Variants in SH3RF3 observed in about 807,000 individuals in gnomAD.
SH3RF3 encodes the protein E3 ubiquitin-protein ligase SH3RF3.
Under a neutral mutation model 66.3 loss-of-function variants are expected in SH3RF3, and 29 were observed. The ratio of observed to expected loss-of-function variants is 0.44; its 90% CI spans 0.33 to 0.60. The LOEUF (loss-of-function observed/expected upper bound fraction) is 0.60. Among genes scored for constraint, SH3RF3 ranks in the 20% least tolerant of loss-of-function variants. The pLI is 0.04. For missense variants in SH3RF3, 1,194 were observed against 1,190.9 expected (o/e 1.00, Z -0.04); for synonymous variants, 583 against 532.0 (o/e 1.10, Z -1.32).
chr2:109,241,648 G>A (rs575090263), intron 1 of SH3RF3, among the ~76,000 whole-genome samples: 9 of 152,188 alleles, frequency 5.9e-5, no homozygotes, highest in South Asian at 2.1e-4. Context: ...CTGTCTCCCC[G>A]CCTCGCCATG....
At chr2:109,474,447 C>A (rs1035247904) in intron 8 of SH3RF3, among the ~76,000 whole-genome samples, 3 of 152,174 alleles carry the variant, frequency 2.0e-5, no homozygotes, top group Non-Finnish European at 4.4e-5. Flanking sequence ...CAGCTCGCTA[C>A]TGATGGGAAC....
intron 8 of SH3RF3, among the ~76,000 whole-genome samples, chr2:109,466,245 G>A (rs1319888636): frequency 1.3e-5 from 2 of 151,864 alleles, no homozygotes; most frequent in Non-Finnish European, 2.9e-5. Flanking sequence ...ACCACACCCA[G>A]CTAATTTTTG....
chr2:109,264,855 T>C (rs1445095355), intron 1 of SH3RF3, among the ~76,000 whole-genome samples: 1 of 152,242 alleles, frequency 6.6e-6, no homozygotes. Context: ...TTCCACTTCC[T>C]GTTGGACAGA....
At chr2:109,382,957 C>G (rs901913914) in intron 3 of SH3RF3, among the ~76,000 whole-genome samples, 1 of 152,242 alleles carries the variant, frequency 6.6e-6, no homozygotes, top group Non-Finnish European at 1.5e-5. Flanking sequence ...CACTTCTTTC[C>G]TGAGTGTTCC....
rs192386222 is a variant in SH3RF3, at chr2:109,387,880, G to A, written c.946-10710G>A. On this transcript the variant is annotated intron_variant, in intron 3 of 9. Transcript: ENST00000309415. ...GGTTGGGGGGGGGGTCTCCTCCCCCGGCCCATCCACCCGCACACGGCCCTT... is the reference window on the plus strand; with the variant it reads ...GGTTGGGGGGGGGGTCTCCTCCCCCAGCCCATCCACCCGCACACGGCCCTT... 3.8e-3 allele frequency among the ~76,000 whole-genome samples: 577 copies of A among 151,518 alleles called. 1 individual carries two copies. The highest frequency in any genetic ancestry group is 0.013 in the African/African-American group (553 of 41,116).
intron 1 of SH3RF3, among the ~76,000 whole-genome samples, chr2:109,332,657 C>T (rs983903933): frequency 7.2e-5 from 11 of 152,170 alleles, no homozygotes; most frequent in African/African-American, 2.4e-4. Flanking sequence ...TCTAATTTGC[C>T]AGGCAGGAAA....
chr2:109,397,851 C>T (rs1676191665), intron 3 of SH3RF3, among the ~76,000 whole-genome samples: 1 of 152,236 alleles, frequency 6.6e-6, no homozygotes, highest in East Asian at 1.9e-4. Flanking sequence ...TTCCTGATAA[C>T]CACCACCCAG....
chr2:109,248,336 T>C (rs1170026479), intron 1 of SH3RF3, among the ~76,000 whole-genome samples: 1 of 152,084 alleles, frequency 6.6e-6, no homozygotes, highest in Non-Finnish European at 1.5e-5. Flanking sequence ...GCCATACAGA[T>C]ATTCTTCTTA....
chr2:109,401,395 T>A (rs1172477245), intron 4 of SH3RF3, among the ~76,000 whole-genome samples: 1 of 152,176 alleles, frequency 6.6e-6, no homozygotes, highest in Non-Finnish European at 1.5e-5. Flanking sequence ...GTCTCCTTCC[T>A]CCTAGAAGAG....
chr2:109,162,561 A>T (rs1471195892), intron 1 of SH3RF3, among the ~76,000 whole-genome samples: 2 of 152,092 alleles, frequency 1.3e-5, no homozygotes. Context: ...TGAACTCATC[A>T]TTTTTTATGG....
intron 2 of SH3RF3, among the ~76,000 whole-genome samples, chr2:109,369,386 C>G (rs1683217374): frequency 6.6e-6 from 1 of 152,174 alleles, no homozygotes; most frequent in South Asian, 2.1e-4. Context: ...CCCACACACT[C>G]AACGCTGAGC....
chr2:109,347,644 C>A, intron 1 of SH3RF3, 30 bp from the exon 2 acceptor site: 1 of 1,605,498 alleles, frequency 6.2e-7, no homozygotes, highest in South Asian at 1.1e-5. Flanking sequence ...GGGGCATGCC[C>A]GGTGACCACA....
In SH3RF3 at chr2:109,490,948, G is replaced by A; in HGVS notation, c.2480+12G>A. ...TTGCCCAGAGAGAGGTAAGTGCAGG[G>A]GCTTGTCTGCTCTGTGGCATGCTGT... On this transcript the variant is annotated intron_variant, in intron 9 of 9. Coordinates refer to ENST00000309415, the MANE Select transcript of SH3RF3 (RefSeq NM_001099289.3). 2 of 1,469,216 alleles carry A rather than the reference G, an allele frequency of 1.4e-6. No homozygotes were observed. Among genetic ancestry groups the A allele is most frequent in the Non-Finnish European group, 1.8e-6 (2 of 1,108,848 alleles). The allele number at this position is 1,469,216 out of a possible 1,614,324, so 91.0% of individuals were successfully genotyped here.
At chr2:109,439,945 TAGG>T (rs967918867) in intron 7 of SH3RF3, among the ~76,000 whole-genome samples, 3 of 151,418 alleles carry the variant, frequency 2.0e-5, no homozygotes, top group Non-Finnish European at 4.4e-5. Flanking sequence ...GGGAGGAAAA[TAGG>T]AGGGGGATTG....
chr2:109,386,529 C>T (rs1032499485), intron 3 of SH3RF3, among the ~76,000 whole-genome samples: 6 of 152,226 alleles, frequency 3.9e-5, no homozygotes, highest in Non-Finnish European at 8.8e-5. Context: ...CCAGCGTTAG[C>T]TGGATCTTGG....
chr2:109,376,391 C>T (rs545020067), intron 3 of SH3RF3, among the ~76,000 whole-genome samples: 9 of 152,202 alleles, frequency 5.9e-5, no homozygotes, highest in Admixed American at 1.3e-4. Flanking sequence ...GACTTGGGGG[C>T]GGGACACAGG....
At chr2:109,189,950 T>C (rs1462178519) in intron 1 of SH3RF3, among the ~76,000 whole-genome samples, 2 of 152,220 alleles carry the variant, frequency 1.3e-5, no homozygotes, top group African/African-American at 4.8e-5. Flanking sequence ...ATGCAAACTC[T>C]GTGTGGAATG....
intron 1 of SH3RF3, among the ~76,000 whole-genome samples, chr2:109,275,150 G>A (rs955830395): frequency 4.6e-5 from 7 of 152,144 alleles, no homozygotes; most frequent in Admixed American, 6.5e-5. Context: ...AGAGCCTGAG[G>A]TTGACCTTTC....
intron 1 of SH3RF3, among the ~76,000 whole-genome samples, chr2:109,340,864 G>A (rs1682541550): frequency 6.6e-6 from 1 of 151,884 alleles, no homozygotes; most frequent in Non-Finnish European, 1.5e-5. Context: ...GATGCAACAG[G>A]GAAACAGGCC....
Sources: gnomAD v4.1 joint callset for allele counts (sites outside exome capture counted in the v4.1 genomes callset) on GRCh38, gnomAD v4.1.1 for gene constraint, MANE v1.5 for transcripts, NCBI Gene and HGNC (gene_info 2026-07-23, HGNC 2026-07-21) for gene names.